Variants in PFKFB3 observed in about 807,000 individuals in gnomAD.
PFKFB3 encodes 6-phosphofructo-2-kinase/fructose-2,6-biphosphatase 3, also known as 6-phosphofructo-2-kinase/fructose-2,6-bisphosphatase 3.
A neutral mutation model predicts 68.0 loss-of-function variants in PFKFB3; 33 were observed. The observed-to-expected ratio is 0.49, with a 90% CI of 0.37 to 0.65. The LOEUF is 0.65. Among genes scored for constraint, PFKFB3 ranks in the 30% least tolerant of loss-of-function variants. The pLI is 0.00. For synonymous variants in PFKFB3, 315 were observed against 288.2 expected (o/e 1.09, Z -0.94); for missense variants, 586 against 712.2 (o/e 0.82, Z 2.02).
rs1456063708 is a variant in PFKFB3, at chr10:6,234,823, C to T, written c.*1881C>T. Reference sequence around the variant, plus strand: ...AGATAGGGGCTTGATAGCTGTGGTCCCCTCTCCCCTCTGACTACCTAAAAT... The same window carrying T: ...AGATAGGGGCTTGATAGCTGTGGTCTCCTCTCCCCTCTGACTACCTAAAAT... On this transcript the variant is annotated 3_prime_UTR_variant, in exon 15 of 15. Transcript: ENST00000379775. The T allele has an allele frequency of 6.6e-6, 1 of 152,150 alleles. No individual in the cohort carries two copies. The highest frequency in any genetic ancestry group is 2.1e-4 in the South Asian group (1 of 4,802). 9.4% of individuals were successfully genotyped at this position (152,150 alleles called of 1,614,324 possible). A position where few individuals can be genotyped will look rare whatever the true frequency, so the allele number is the denominator to read the frequency against.
intron 1 of PFKFB3, among the ~76,000 whole-genome samples, chr10:6,171,227 G>A (rs535493947): frequency 6.6e-6 from 1 of 151,776 alleles, no homozygotes; most frequent in Non-Finnish European, 1.5e-5. Context: ...GGCTAATTTT[G>A]TATTTTTAGT....
At chr10:6,225,787 TC>T (rs5782885) in intron 13 of PFKFB3, among the ~76,000 whole-genome samples, 1 of 151,950 alleles carries the variant, frequency 6.6e-6, no homozygotes. Flanking sequence ...ACAGTTGCCT[TC>T]CCCTCCCCAG....
At chr10:6,322,024 A>G in the PFKFB3 span, among the ~76,000 whole-genome samples, 1 of 152,046 alleles carries the variant, frequency 6.6e-6, no homozygotes, top group Non-Finnish European at 1.5e-5. Flanking sequence ...TGACTTCTAA[A>G]TGTCTCTCTT....
chr10:6,175,299 C>G (rs571953747), intron 1 of PFKFB3, among the ~76,000 whole-genome samples: 237 of 152,284 alleles, frequency 1.6e-3, no homozygotes, highest in African/African-American at 5.2e-3. Flanking sequence ...CTCTTCTTTC[C>G]CTCCTTTCCA....
chr10:6,192,366 C>CCT (rs1564609433), intron 1 of PFKFB3, among the ~76,000 whole-genome samples: 11 of 113,070 alleles, frequency 9.7e-5, no homozygotes, highest in Non-Finnish European at 1.1e-4. Context: ...TTTCTTTCTT[C>CCT]TTTTTTTTTT....
the PFKFB3 span, among the ~76,000 whole-genome samples, chr10:6,309,482 CATG>C: frequency 6.6e-6 from 1 of 151,880 alleles, no homozygotes; most frequent in African/African-American, 2.4e-5. Context: ...ATTAGCCAGG[CATG>C]GTGGTGCATG....
Position 6,161,224 on chromosome 10 carries a change from C to T in PFKFB3, c.16+16211C>T, listed in dbSNP as rs529571280. ...GTGCTGGAATTACAGGTGTGAGCCA[C>T]GGCGCCTGACCTCATTTGGCCTCTT... is the stretch of plus-strand genomic sequence containing the variant. On this transcript the variant is annotated intron_variant, in intron 1 of 14. Transcript: ENST00000379789. Among the ~76,000 whole-genome samples the T allele has an allele frequency of 5.9e-5, 9 of 152,294 alleles. 1 individual carries two copies. The highest frequency in any genetic ancestry group is 5.8e-4 in the East Asian group (3 of 5,182).
the PFKFB3 span, among the ~76,000 whole-genome samples, chr10:6,277,110 C>T: frequency 6.6e-6 from 1 of 152,126 alleles, no homozygotes; most frequent in African/African-American, 2.4e-5. Flanking sequence ...CAGTTTGGAT[C>T]TGTGTCCCCG....
At chr10:6,249,526 T>A (rs938019874) in intron 14 of PFKFB3, among the ~76,000 whole-genome samples, 1 of 152,230 alleles carries the variant, frequency 6.6e-6, no homozygotes, top group East Asian at 1.9e-4. Flanking sequence ...AAATAAACTT[T>A]GTCATTTGCA....
chr10:6,294,380 T>A, the PFKFB3 span: 3 of 320,108 alleles, frequency 9.4e-6, no homozygotes, highest in African/African-American at 6.5e-5. Context: ...CTCACAGTCA[T>A]GGTGGAAGGC....
At chr10:6,166,011 A>C (rs1588407157) in intron 1 of PFKFB3, among the ~76,000 whole-genome samples, 1 of 132,218 alleles carries the variant, frequency 7.6e-6, no homozygotes, top group Non-Finnish European at 1.6e-5. Context: ...ACGAAGTCTC[A>C]CTCTGTCATC....
the PFKFB3 span, among the ~76,000 whole-genome samples, chr10:6,314,822 A>G: frequency 6.6e-5 from 10 of 152,178 alleles, no homozygotes; most frequent in East Asian, 1.9e-3. Flanking sequence ...CGAACCCATC[A>G]TGAGAAGCTG....
intron 8 of PFKFB3, among the ~76,000 whole-genome samples, 188 bp from the exon 9 acceptor site, chr10:6,221,193 G>C (rs146333411): frequency 8.5e-5 from 13 of 152,300 alleles, no homozygotes; most frequent in African/African-American, 3.1e-4. Context: ...ACTAGGAAGG[G>C]AAGGGGCAGG....
At chr10:6,281,550 T>C in the PFKFB3 span, among the ~76,000 whole-genome samples, 3,194 of 152,242 alleles carry the variant, frequency 0.021, 131 homozygotes, top group African/African-American at 0.072. Flanking sequence ...TTTGAGGTTT[T>C]AAAAAGTGCC....
the PFKFB3 span, among the ~76,000 whole-genome samples, chr10:6,289,476 G>T: frequency 1.3e-5 from 2 of 152,166 alleles, no homozygotes; most frequent in South Asian, 4.1e-4. Context: ...TTTCCCCATT[G>T]CTTGTTTTTC....
chr10:6,150,494 G>A (rs1263125342), intron 1 of PFKFB3, among the ~76,000 whole-genome samples: 1 of 151,804 alleles, frequency 6.6e-6, no homozygotes, highest in African/African-American at 2.4e-5. Flanking sequence ...CGTGGTGGTG[G>A]GCGCCTGTAA....
intron 1 of PFKFB3, among the ~76,000 whole-genome samples, chr10:6,177,072 C>A (rs1212890070): frequency 1.3e-5 from 2 of 152,150 alleles, no homozygotes; most frequent in Non-Finnish European, 2.9e-5. Flanking sequence ...CCTCTCAGAT[C>A]CTGTGGCTTC....
At chr10:6,174,192 G>C (rs556723760) in intron 1 of PFKFB3, among the ~76,000 whole-genome samples, 59 of 152,216 alleles carry the variant, frequency 3.9e-4, no homozygotes, top group African/African-American at 1.4e-3. Flanking sequence ...AAAGTAACGG[G>C]CTTGGATCTC....
chr10:6,263,080 T>C, the PFKFB3 span, among the ~76,000 whole-genome samples: 1 of 152,244 alleles, frequency 6.6e-6, no homozygotes, highest in South Asian at 2.1e-4. Context: ...AGGGGTCTCA[T>C]AGCCTTCAGA....
Sources: gnomAD v4.1 joint callset for allele counts (sites outside exome capture counted in the v4.1 genomes callset) on GRCh38, gnomAD v4.1.1 for gene constraint, MANE v1.5 for transcripts, NCBI Gene and HGNC (gene_info 2026-07-23, HGNC 2026-07-21) for gene names.